The following VMP1 variants were observed in gnomAD, a reference collection of about 807,000 sequenced individuals.
The protein encoded by VMP1 is vacuole membrane protein 1.
Under a neutral mutation model 56.0 loss-of-function variants are expected in VMP1, and 11 were observed. That is an observed-to-expected ratio of 0.20 (90% confidence interval 0.12 to 0.32). The LOEUF is 0.32. Ranked by LOEUF, VMP1 falls within the 10% of genes least tolerant of loss-of-function variation. The pLI, the probability that VMP1 is intolerant of heterozygous loss-of-function variation, is 1.00. For missense variants in VMP1, 296 were observed against 490.3 expected (o/e 0.60, Z 3.74); for synonymous variants, 149 against 165.0 (o/e 0.90, Z 0.74).
At chr17:59,758,198 A>C (rs1318614651) in intron 5 of VMP1, among the ~76,000 whole-genome samples, 2 of 152,058 alleles carry the variant, frequency 1.3e-5, no homozygotes, top group Non-Finnish European at 2.9e-5. Context: ...CACATGTCAC[A>C]TCCTTTTAAA....
chr17:59,817,572 G>A (rs534951184), intron 9 of VMP1, 140 bp from the exon 10 acceptor site: 138 of 537,260 alleles, frequency 2.6e-4, no homozygotes, highest in Middle Eastern at 1.7e-3. Flanking sequence ...GGATGGAAAT[G>A]TTATATTTTA....
intron 6 of VMP1, among the ~76,000 whole-genome samples, chr17:59,771,808 T>C (rs1417570620): frequency 6.6e-6 from 1 of 151,732 alleles, no homozygotes; most frequent in African/African-American, 2.4e-5. Flanking sequence ...CTTGAGCTCA[T>C]GTACATAAGC....
chr17:59,798,177 A>G (rs890808140), intron 7 of VMP1, among the ~76,000 whole-genome samples: 1 of 152,228 alleles, frequency 6.6e-6, no homozygotes, highest in South Asian at 2.1e-4. Context: ...CAACCTGCCC[A>G]TGTAAATTTG....
rs542842669 is a variant in VMP1, at chr17:59,739,474, C to T, written c.414+527C>T. 2.6e-5 allele frequency among the ~76,000 whole-genome samples: 4 copies of T among 151,592 alleles called. No individual in the cohort carries two copies. The South Asian group carries it at 8.4e-4, about 32-fold the overall frequency. ...GCGTGGTGGCTCACGCCTGTAATCC[C>T]AGCACTTTGGGAGGCCAAGGCGGGC... On this transcript the variant is annotated intron_variant, in intron 5 of 11. Transcript: ENST00000262291.
intron 7 of VMP1, among the ~76,000 whole-genome samples, chr17:59,799,822 G>A (rs2037575054): frequency 6.6e-6 from 1 of 151,968 alleles, no homozygotes; most frequent in Non-Finnish European, 1.5e-5. Context: ...AATTAGCCAG[G>A]TGTGGTGGCA....
intron 2 of VMP1, among the ~76,000 whole-genome samples, chr17:59,733,288 A>G (rs1204146136): frequency 1.3e-5 from 2 of 152,164 alleles, no homozygotes; most frequent in Non-Finnish European, 2.9e-5. Flanking sequence ...TTGGTAATAT[A>G]TAAGTTATTG....
At chr17:59,735,723 A>C in intron 3 of VMP1, 1 of 406,464 alleles carries the variant, frequency 2.5e-6, no homozygotes, top group Non-Finnish European at 4.5e-6. Flanking sequence ...TTGAATCTGC[A>C]GTGGAGAACA....
intron 7 of VMP1, among the ~76,000 whole-genome samples, chr17:59,806,687 C>T (rs2144201089): frequency 6.8e-6 from 1 of 147,990 alleles, no homozygotes; most frequent in East Asian, 2.0e-4. Context: ...TGCACTCCAA[C>T]CTAGGCAACA....
rs1262330202 is a variant in VMP1 at position 59,785,775 on chromosome 17, C to T, written c.714+11890C>T. 6.6e-5 allele frequency among the ~76,000 whole-genome samples: 10 copies of T among 150,934 alleles called. No homozygotes were observed. In the South Asian group the frequency reaches 1.9e-3, roughly 28 times the overall value. ...ATTAGCTTGTCTTTCTGTTGAGTAT[C>T]GTTCATGAGTCTGCCGACCATTTTA... On this transcript the variant is annotated intron_variant, in intron 7 of 11. Transcript: ENST00000262291.
intron 7 of VMP1, among the ~76,000 whole-genome samples, chr17:59,786,590 T>TAA (rs2037014494): frequency 1.3e-5 from 2 of 152,224 alleles, no homozygotes; most frequent in South Asian, 4.1e-4. Flanking sequence ...GAACCTTTAC[T>TAA]GGTTGTGGTT....
chr17:59,836,661 G>C (rs2038990817), intron 10 of VMP1, among the ~76,000 whole-genome samples: 2 of 150,808 alleles, frequency 1.3e-5, no homozygotes, highest in South Asian at 4.2e-4. Context: ...GTGCGCATCT[G>C]CCTATGTTTT....
intron 6 of VMP1, among the ~76,000 whole-genome samples, chr17:59,766,292 C>T (rs2036228611): frequency 6.6e-6 from 1 of 151,984 alleles, no homozygotes; most frequent in Non-Finnish European, 1.5e-5. Context: ...TCACTTGAGG[C>T]CAGGAGTTCG....
At chr17:59,731,563 A>C in intron 2 of VMP1, 41 bp downstream of exon 2, 1 of 1,405,018 alleles carries the variant, frequency 7.1e-7, no homozygotes, top group Non-Finnish European at 9.6e-7. Flanking sequence ...CTATGGGTTT[A>C]AATGATATAC....
chr17:59,787,998 GT>G (rs2037066528), intron 7 of VMP1, among the ~76,000 whole-genome samples: 1 of 151,972 alleles, frequency 6.6e-6, no homozygotes. Flanking sequence ...GTTTGAAATT[GT>G]TTATGTTTTA....
intron 7 of VMP1, among the ~76,000 whole-genome samples, chr17:59,786,115 T>C (rs1284878102): frequency 3.3e-5 from 5 of 152,348 alleles, no homozygotes; most frequent in African/African-American, 1.2e-4. Flanking sequence ...AAACAGTTTA[T>C]TAGTTGTAAT....
chr17:59,788,562 G>C (rs905210027), intron 7 of VMP1, among the ~76,000 whole-genome samples: 1 of 151,586 alleles, frequency 6.6e-6, no homozygotes, highest in Non-Finnish European at 1.5e-5. Context: ...CCAGCACTTT[G>C]GGAGGCCGAG....
At chr17:59,800,776 T>C (rs1168153840) in intron 7 of VMP1, among the ~76,000 whole-genome samples, 1 of 151,956 alleles carries the variant, frequency 6.6e-6, no homozygotes, top group Non-Finnish European at 1.5e-5. Context: ...ACGCTGCCAG[T>C]CATATAAAAC....
intron 1 of VMP1, among the ~76,000 whole-genome samples, chr17:59,718,946 TGATA>T (rs2034282118): frequency 6.6e-6 from 1 of 152,108 alleles, no homozygotes. Flanking sequence ...AACAACCACA[TGATA>T]GATATACCAC....
At position 59,765,072 on chromosome 17, in the gene VMP1, G is replaced by A. The variant is rs1457210754; in HGVS notation, c.516G>A (p.Glu172=). 7 of 1,613,942 alleles carry A rather than the reference G, an allele frequency of 4.3e-6. No homozygotes were observed. The highest frequency in any genetic ancestry group is 5.9e-6 in the Non-Finnish European group (7 of 1,179,990). ...YPDQIICPDE[E]GTEGTISLWS... ...ATCAGATTATTTGTCCAGATGAAGAGGGCACTGAAGGAACCATTTCTTTGT... is the reference window on the plus strand; with the variant it reads ...ATCAGATTATTTGTCCAGATGAAGAAGGCACTGAAGGAACCATTTCTTTGT... The change falls in exon 6 of 12, where the codon GAG becomes GAA. Residue 172 remains glutamate, a synonymous_variant. Transcript: ENST00000262291.
Sources: allele counts gnomAD v4.1 joint callset (sites outside exome capture counted in the v4.1 genomes callset), GRCh38; gene constraint gnomAD v4.1.1; transcripts MANE v1.5; gene names NCBI Gene and HGNC (gene_info 2026-07-23, HGNC 2026-07-21).